TENM4: variants seen among roughly 807,000 people sequenced by gnomAD.
The protein encoded by TENM4 is teneurin-4.
Under a neutral mutation model 243.3 loss-of-function variants are expected in TENM4, and 82 were observed. That is an observed-to-expected ratio of 0.34 (90% CI 0.28 to 0.40). The LOEUF is 0.40. Ranked by LOEUF, TENM4 falls within the 10% of genes least tolerant of loss-of-function variation. The probability of loss-of-function intolerance (pLI) is 1.00; values close to 1 mark genes in which losing one functional copy is unlikely to be tolerated. For synonymous variants in TENM4, 1,412 were observed against 1,456.3 expected (o/e 0.97, Z 0.69); for missense variants, 3,138 against 3,673.3 (o/e 0.85, Z 3.77).
intron 6 of TENM4, among the ~76,000 whole-genome samples, chr11:78,910,212 G>T (rs1353978993): frequency 6.6e-6 from 1 of 152,212 alleles, no homozygotes; most frequent in African/African-American, 2.4e-5. Context: ...GCAGACAGGT[G>T]CCTGAAGGTC....
At chr11:78,923,488 C>G (rs975901752) in intron 6 of TENM4, among the ~76,000 whole-genome samples, 4 of 152,018 alleles carry the variant, frequency 2.6e-5, no homozygotes, top group African/African-American at 9.7e-5. Context: ...CACTGAAACT[C>G]CATGGGAAGA....
chr11:78,741,918 T>G (rs1230177814), intron 19 of TENM4, among the ~76,000 whole-genome samples: 1 of 152,178 alleles, frequency 6.6e-6, no homozygotes, highest in African/African-American at 2.4e-5. Flanking sequence ...AGTCCTCTAT[T>G]TGACATGATT....
intron 1 of TENM4, among the ~76,000 whole-genome samples, chr11:79,372,549 G>A (rs1384445364): frequency 6.6e-6 from 1 of 152,158 alleles, no homozygotes; most frequent in African/African-American, 2.4e-5. Flanking sequence ...CCTTTGCTCA[G>A]AGCCAATAAT....
rs79679535 is a variant in TENM4, at chr11:79,428,016, G to A, written c.-321+12493C>T. On this transcript the variant is annotated intron_variant, in intron 1 of 33. Transcript: ENST00000278550. ...ATGACAGTCTGCATCTGATGCTCCT[G>A]GACCTAAGAAGACAGAAGGGAGAAA... Among the ~76,000 whole-genome samples, 36 of 152,254 alleles carry A rather than the reference G, an allele frequency of 2.4e-4. No homozygotes were observed. In the East Asian group the frequency reaches 6.0e-3, roughly 25 times the overall value.
At chr11:78,928,345 G>T (rs1244495833) in intron 6 of TENM4, among the ~76,000 whole-genome samples, 1 of 152,088 alleles carries the variant, frequency 6.6e-6, no homozygotes, top group Non-Finnish European at 1.5e-5. Context: ...CCACCCCATG[G>T]TCTTAACACT....
intron 6 of TENM4, among the ~76,000 whole-genome samples, chr11:78,978,885 A>G (rs1372933189): frequency 1.3e-5 from 2 of 151,842 alleles, no homozygotes; most frequent in Non-Finnish European, 2.9e-5. Context: ...AGTGGAGGGC[A>G]CTGAGTGAAG....
chr11:79,439,622 C>T (rs868155531), intron 1 of TENM4, among the ~76,000 whole-genome samples: 3 of 150,546 alleles, frequency 2.0e-5, no homozygotes, highest in African/African-American at 7.3e-5. Context: ...CGCCCTTCAC[C>T]CAAGTAGTTG....
chr11:78,859,117 A>G (rs1223386989), intron 10 of TENM4, among the ~76,000 whole-genome samples: 1 of 152,230 alleles, frequency 6.6e-6, no homozygotes, highest in African/African-American at 2.4e-5. Flanking sequence ...AGAGTCCGAT[A>G]GGATTCACAG....
At chr11:79,310,124 A>G (rs1020462030) in intron 1 of TENM4, among the ~76,000 whole-genome samples, 3 of 152,200 alleles carry the variant, frequency 2.0e-5, no homozygotes, top group Non-Finnish European at 2.9e-5. Flanking sequence ...CAGTCTACCC[A>G]GGGCCCAGCA....
chr11:79,049,272 C>T (rs1452937545), intron 6 of TENM4, among the ~76,000 whole-genome samples: 2 of 152,200 alleles, frequency 1.3e-5, no homozygotes, highest in East Asian at 3.8e-4. Context: ...CACGGCTCTT[C>T]CCCCCTACTC....
intron 29 of TENM4, among the ~76,000 whole-genome samples, chr11:78,685,250 G>A (rs1030132287): frequency 2.0e-5 from 3 of 152,220 alleles, no homozygotes; most frequent in African/African-American, 7.2e-5. Flanking sequence ...CATCTCAGAT[G>A]ATCCCATTTA....
chr11:78,888,918 C>T (rs558574366), intron 9 of TENM4, among the ~76,000 whole-genome samples: 1 of 152,312 alleles, frequency 6.6e-6, no homozygotes, highest in Admixed American at 6.5e-5. Context: ...AATGCCTTTA[C>T]TAAGAGGCTG....
intron 1 of TENM4, among the ~76,000 whole-genome samples, chr11:79,386,622 A>T (rs1475325798): frequency 1.3e-5 from 2 of 152,208 alleles, no homozygotes; most frequent in African/African-American, 4.8e-5. Context: ...GAAGACATCC[A>T]AATGGCCAGT....
intron 4 of TENM4, among the ~76,000 whole-genome samples, chr11:79,124,138 C>T (rs1200283784): frequency 6.6e-6 from 1 of 152,154 alleles, no homozygotes; most frequent in Non-Finnish European, 1.5e-5. Context: ...TGCATCTCTG[C>T]CAAGCTCCTG....
intron 29 of TENM4, among the ~76,000 whole-genome samples, chr11:78,677,587 T>G (rs1167381482): frequency 6.6e-6 from 1 of 151,968 alleles, no homozygotes; most frequent in Non-Finnish European, 1.5e-5. Flanking sequence ...TGATACACTC[T>G]AAGGTAACAA....
chr11:78,948,779 C>G (rs566649945), intron 6 of TENM4, among the ~76,000 whole-genome samples: 3 of 152,268 alleles, frequency 2.0e-5, no homozygotes, highest in African/African-American at 7.2e-5. Flanking sequence ...AGCCTCCTAC[C>G]CACCCAAATA....
intron 2 of TENM4, among the ~76,000 whole-genome samples, chr11:79,271,513 A>G (rs1565277606): frequency 6.6e-6 from 1 of 152,214 alleles, no homozygotes; most frequent in Non-Finnish European, 1.5e-5. Flanking sequence ...CCAGGGCCAC[A>G]GTGGGTAAAC....
At chr11:78,836,800 A>G (rs1405370765) in intron 12 of TENM4, among the ~76,000 whole-genome samples, 1 of 152,180 alleles carries the variant, frequency 6.6e-6, no homozygotes, top group African/African-American at 2.4e-5. Flanking sequence ...GTGGGCCTTC[A>G]TGGCTAATGG....
intron 6 of TENM4, among the ~76,000 whole-genome samples, chr11:78,925,563 G>C (rs558938869): frequency 6.6e-6 from 1 of 152,240 alleles, no homozygotes; most frequent in Non-Finnish European, 1.5e-5. Context: ...GATGACACCA[G>C]TTGTGCTGGA....
Sources: gnomAD v4.1 joint callset for allele counts (sites outside exome capture counted in the v4.1 genomes callset) on GRCh38, gnomAD v4.1.1 for gene constraint, MANE v1.5 for transcripts, NCBI Gene and HGNC (gene_info 2026-07-23, HGNC 2026-07-21) for gene names.